LRIG1: variants seen among roughly 807,000 people sequenced by gnomAD.
The protein encoded by LRIG1 is leucine rich repeats and immunoglobulin like domains 1.
Under a neutral mutation model 99.2 loss-of-function variants are expected in LRIG1, and 48 were observed. That is an observed-to-expected ratio of 0.48 (90% CI 0.38 to 0.62). The LOEUF (loss-of-function observed/expected upper bound fraction) is 0.62, where lower values mean the gene tolerates loss of function less well. LRIG1 is among the 20% of genes least tolerant of loss of function. The pLI, the probability that LRIG1 is intolerant of heterozygous loss-of-function variation, is 0.00. For missense variants in LRIG1, 1,646 were observed against 1,434.4 expected, an observed-to-expected ratio of 1.15 and a Z score of -2.38; for synonymous variants, 772 against 596.1, an observed-to-expected ratio of 1.29 and a Z score of -4.30.
At chr3:66,386,424 G>A (rs1701378767) in intron 12 of LRIG1, 123 bp from the exon 13 acceptor site, 4 of 770,432 alleles carry the variant, frequency 5.2e-6, no homozygotes, top group African/African-American at 1.7e-5. Flanking sequence ...AGGTCCCTGT[G>A]CATCCTCAGC....
At chr3:66,495,731 A>G (rs1701211676) in intron 1 of LRIG1, among the ~76,000 whole-genome samples, 3 of 152,216 alleles carry the variant, frequency 2.0e-5, no homozygotes, top group Middle Eastern at 3.2e-3. Flanking sequence ...ACAGACCTTC[A>G]GGGCTTTAGC....
Position 66,405,934 on chromosome 3 carries a change from A to G in LRIG1, c.1080-656T>C, listed in dbSNP as rs922329493. ...TGCAAATCCCATGGCCGATGACTCA[A>G]TGGCTTCCCAGCTTCCAGGAGCAGG... On this transcript the variant is annotated intron_variant, in intron 8 of 18. Transcript: ENST00000273261. 15 of 999,366 alleles carry G rather than the reference A, an allele frequency of 1.5e-5. No homozygotes were observed. The African/African-American group carries it at 2.3e-4, about 15-fold the overall frequency. The allele number at this position is 999,366 out of a possible 1,614,324, so 61.9% of individuals were successfully genotyped here.
intron 3 of LRIG1, among the ~76,000 whole-genome samples, chr3:66,431,247 A>G (rs746435870): frequency 1.3e-5 from 2 of 152,216 alleles, no homozygotes; most frequent in Non-Finnish European, 2.9e-5. Flanking sequence ...TGAGGGAAGG[A>G]GGTAAGAAAA....
chr3:66,462,403 C>T (rs959008688), intron 2 of LRIG1, 35 bp downstream of exon 2: 2 of 1,531,262 alleles, frequency 1.3e-6, no homozygotes, highest in Non-Finnish European at 1.8e-6. Flanking sequence ...AGCTCTCCAT[C>T]CTTCCATCCA....
At chr3:66,386,374 A>T in intron 12 of LRIG1, 73 bp from the exon 13 acceptor site, 5 of 1,268,000 alleles carry the variant, frequency 3.9e-6, no homozygotes, top group Non-Finnish European at 5.6e-6. Flanking sequence ...GTTCATGCTA[A>T]CAGAAACTGA....
At position 66,384,262 on chromosome 3, in the gene LRIG1, T is replaced by C. The variant is rs140974233; in HGVS notation, c.1800A>G (p.Ser600=). The part of the protein sequence containing the change: ...KARLTVNVLP[S]FTKTPHDITI... Reference sequence around the variant, plus strand: ...TTATGTCGTGGGGCGTTTTGGTGAATGATGGCAACACTGGAAAACATACGT... The same window carrying C: ...TTATGTCGTGGGGCGTTTTGGTGAACGATGGCAACACTGGAAAACATACGT... The change falls in exon 14 of 19, where the codon TCA becomes TCG. Residue 600 remains serine (S), a synonymous_variant. Transcript: ENST00000273261. The C allele has an allele frequency of 1.2e-5, 20 of 1,611,106 alleles. No individual in the cohort carries two copies. The highest frequency in any genetic ancestry group is 1.4e-5 in the Non-Finnish European group (17 of 1,177,578).
intron 1 of LRIG1, among the ~76,000 whole-genome samples, chr3:66,477,995 C>T (rs1700761956): frequency 6.6e-6 from 1 of 152,170 alleles, no homozygotes; most frequent in East Asian, 1.9e-4. Context: ...ACACGACACA[C>T]AGCCTGAGTT....
intron 3 of LRIG1, among the ~76,000 whole-genome samples, chr3:66,435,777 A>G (rs1370461694): frequency 2.5e-5 from 2 of 80,816 alleles, no homozygotes; most frequent in African/African-American, 6.5e-5. Context: ...ATCTCCCCAT[A>G]TTACTTTTTT....
intron 1 of LRIG1, among the ~76,000 whole-genome samples, chr3:66,491,825 T>C (rs539579071): frequency 3.0e-4 from 45 of 152,332 alleles, no homozygotes; most frequent in Middle Eastern, 3.4e-3. Flanking sequence ...GGGTGACAGA[T>C]ACCTAGAGTT....
Position 66,386,191 on chromosome 3 carries a change from T to C in LRIG1, c.1579A>G (p.Thr527Ala). Reference sequence around the variant, plus strand: ...TCATTGTCTTTCTTCCAGGCAAAGGTCATGGGGGAGCTGCTGCTGCTGGCT... The same window carrying C: ...TCATTGTCTTTCTTCCAGGCAAAGGCCATGGGGGAGCTGCTGCTGCTGGCT... ...SAASSSSSPMTFAWKKDNEVL... is the reference protein window; with the variant it reads ...SAASSSSSPMAFAWKKDNEVL... The change falls in exon 13 of 19, where the codon ACC becomes GCC. Residue 527 changes from threonine (T) to alanine (A), a missense_variant. By Grantham distance (58) the Thr-to-Ala change is moderately conservative (BLOSUM62 0). Transcript: ENST00000273261. The C allele has an allele frequency of 6.2e-7, 1 of 1,614,074 alleles. No homozygotes were observed.
intron 1 of LRIG1, among the ~76,000 whole-genome samples, chr3:66,499,669 TAATA>T (rs1425751829): frequency 2.0e-5 from 3 of 152,116 alleles, no homozygotes; most frequent in African/African-American, 7.2e-5. Context: ...CACTATCAAC[TAATA>T]AATAATGTAA....
chr3:66,385,830 G>C (rs878971061), intron 13 of LRIG1, 151 bp downstream of exon 13: 4 of 744,352 alleles, frequency 5.4e-6, no homozygotes, highest in East Asian at 2.6e-5. Flanking sequence ...ACTTGCTCTG[G>C]GGCAAACCCA....
chr3:66,431,891 T>C (rs1703183934), intron 3 of LRIG1, among the ~76,000 whole-genome samples: 1 of 152,154 alleles, frequency 6.6e-6, no homozygotes, highest in Non-Finnish European at 1.5e-5. Flanking sequence ...CCAATTCACA[T>C]GACTGTCCCT....
At chr3:66,409,340 T>C (rs1422667254) in intron 7 of LRIG1, among the ~76,000 whole-genome samples, 1 of 152,244 alleles carries the variant, frequency 6.6e-6, no homozygotes, top group African/African-American at 2.4e-5. Context: ...TTAGGAATGC[T>C]GCGTTCACTG....
intron 12 of LRIG1, 185 bp from the exon 13 acceptor site, chr3:66,386,486 A>G (rs912916031): frequency 1.7e-6 from 1 of 598,114 alleles, no homozygotes; most frequent in African/African-American, 1.9e-5. Context: ...GACCTCATCT[A>G]ATTAGAAGTC....
At chr3:66,393,873 T>G (rs1440548098) in intron 12 of LRIG1, among the ~76,000 whole-genome samples, 167 bp downstream of exon 12, 1 of 152,146 alleles carries the variant, frequency 6.6e-6, no homozygotes, top group Non-Finnish European at 1.5e-5. Context: ...AACTCTACGG[T>G]AAATACTGTG....
chr3:66,423,709 A>T (rs764094925), intron 3 of LRIG1, among the ~76,000 whole-genome samples: 11 of 152,216 alleles, frequency 7.2e-5, no homozygotes, highest in Non-Finnish European at 1.3e-4. Flanking sequence ...CCTGCTGTGG[A>T]ACATGGCACA....
intron 1 of LRIG1, among the ~76,000 whole-genome samples, chr3:66,467,863 A>G (rs976146817): frequency 1.3e-5 from 2 of 152,250 alleles, no homozygotes; most frequent in Admixed American, 1.3e-4. Flanking sequence ...TACAGAAGCA[A>G]CTTGAATCTA....
chr3:66,451,107 A>G (rs1427566585), intron 3 of LRIG1, among the ~76,000 whole-genome samples: 2 of 152,170 alleles, frequency 1.3e-5, no homozygotes, highest in African/African-American at 2.4e-5. Context: ...ACATAGTTTT[A>G]CGTTGATTCC....
Sources: gnomAD v4.1 joint callset for allele counts (sites outside exome capture counted in the v4.1 genomes callset) on GRCh38, gnomAD v4.1.1 for gene constraint, MANE v1.5 for transcripts, NCBI Gene and HGNC (gene_info 2026-07-23, HGNC 2026-07-21) for gene names.